ANKRD13C: variants seen among roughly 807,000 people sequenced by gnomAD.
The protein encoded by ANKRD13C is ankyrin repeat domain 13C, also known as ankyrin repeat domain-containing protein 13C.
A neutral mutation model predicts 65.5 loss-of-function variants in ANKRD13C; 16 were observed. The ratio of observed to expected loss-of-function variants is 0.24; its 90% CI spans 0.17 to 0.37. The LOEUF (loss-of-function observed/expected upper bound fraction) is 0.37. ANKRD13C is among the 10% of genes least tolerant of loss of function. The probability of loss-of-function intolerance (pLI) is 1.00; values close to 1 mark genes in which losing one functional copy is unlikely to be tolerated. For synonymous variants in ANKRD13C, 235 were observed against 238.7 expected, an observed-to-expected ratio of 0.98 and a Z score of 0.14; for missense variants, 503 against 655.9, an observed-to-expected ratio of 0.77 and a Z score of 2.55.
At chr1:70,273,998 G>A (rs1373176495) in intron 11 of ANKRD13C, among the ~76,000 whole-genome samples, 1 of 151,822 alleles carries the variant, frequency 6.6e-6, no homozygotes, top group Non-Finnish European at 1.5e-5. Flanking sequence ...ACACACAGAA[G>A]AAAACGTGAA....
In ANKRD13C at chr1:70,354,590, C is replaced by T; in HGVS notation, c.-182G>A. On this transcript the variant is annotated 5_prime_UTR_variant, in exon 1 of 13. Coordinates refer to ENST00000370944, the MANE Select transcript of ANKRD13C (RefSeq NM_030816.5). ...GGGGAAGAGCCGGCTCTCGCCTAGG[C>T]ACGAAGGGACGCGCGCTCGCTGGGG... The T allele has an allele frequency of 7.3e-7, 1 of 1,374,582 alleles. No individual in the cohort carries two copies. Among genetic ancestry groups the T allele is most frequent in the South Asian group, 1.5e-5 (1 of 65,284 alleles). 85.1% of individuals were successfully genotyped at this position (1,374,582 alleles called of 1,614,324 possible). A position where few individuals can be genotyped will look rare whatever the true frequency, so the allele number is the denominator to read the frequency against.
rs72929275 is a variant in ANKRD13C, at chr1:70,306,986, C to T, written c.710-696G>A. ...CATAACAGGCTATAATAAACTACCA[C>T]GTACAAAGAAATGAAAGAAATGTGA... On this transcript the variant is annotated intron_variant, in intron 5 of 12. Coordinates refer to ENST00000370944, the MANE Select transcript of ANKRD13C (RefSeq NM_030816.5). 5.7e-3 allele frequency among the ~76,000 whole-genome samples: 871 copies of T among 152,138 alleles called. 9 individuals are homozygous for T. Among genetic ancestry groups the T allele is most frequent in the African/African-American group, 0.019 (783 of 41,492 alleles).
intron 4 of ANKRD13C, among the ~76,000 whole-genome samples, 160 bp from the exon 5 acceptor site, chr1:70,313,950 T>C (rs1680962486): frequency 6.6e-6 from 1 of 152,002 alleles, no homozygotes; most frequent in Non-Finnish European, 1.5e-5. Context: ...TTTAATTACA[T>C]AGTAACATAT....
chr1:70,276,903 T>G, intron 9 of ANKRD13C, 59 bp from the exon 10 acceptor site: 1 of 1,302,002 alleles, frequency 7.7e-7, no homozygotes, highest in South Asian at 1.3e-5. Context: ...TGTTATTTTT[T>G]AAATATAAGA....
intron 12 of ANKRD13C, among the ~76,000 whole-genome samples, chr1:70,264,651 A>T (rs528561612): frequency 6.6e-6 from 1 of 152,250 alleles, no homozygotes; most frequent in South Asian, 2.1e-4. Context: ...TAAGATATTT[A>T]TTATCTTTCA....
At chr1:70,285,255 T>C (rs1679569722) in intron 9 of ANKRD13C, among the ~76,000 whole-genome samples, 1 of 146,230 alleles carries the variant, frequency 6.8e-6, no homozygotes, top group South Asian at 2.3e-4. Context: ...TGCAGTAGCA[T>C]GATCTCGGCT....
At chr1:70,316,599 G>A (rs1681084429) in intron 3 of ANKRD13C, among the ~76,000 whole-genome samples, 1 of 151,966 alleles carries the variant, frequency 6.6e-6, no homozygotes, top group Admixed American at 6.6e-5. Flanking sequence ...GAGACAGGAG[G>A]ACTGGTTGTG....
intron 10 of ANKRD13C, 77 bp from the exon 11 acceptor site, chr1:70,274,895 T>C: frequency 1.2e-6 from 1 of 847,616 alleles, no homozygotes. Context: ...CTGTCATCTT[T>C]CAATGACATT....
At chr1:70,291,372 G>A (rs1679861568) in intron 9 of ANKRD13C, among the ~76,000 whole-genome samples, 1 of 152,126 alleles carries the variant, frequency 6.6e-6, no homozygotes. Flanking sequence ...TATGACTCTA[G>A]TATTTTTTTG....
intron 3 of ANKRD13C, among the ~76,000 whole-genome samples, chr1:70,318,830 G>T (rs1360984529): frequency 1.3e-5 from 2 of 151,880 alleles, no homozygotes; most frequent in African/African-American, 2.4e-5. Flanking sequence ...CTACAGGTGT[G>T]CGCCACCATG....
chr1:70,293,281 CT>C (rs1362872131), intron 8 of ANKRD13C, among the ~76,000 whole-genome samples: 10 of 151,404 alleles, frequency 6.6e-5, no homozygotes, highest in Non-Finnish European at 1.3e-4. Flanking sequence ...AAATACCTTA[CT>C]TAAAAAAAAA....
chr1:70,338,694 C>G (rs1682167984), intron 1 of ANKRD13C, among the ~76,000 whole-genome samples: 1 of 152,188 alleles, frequency 6.6e-6, no homozygotes. Context: ...GCCACCACGC[C>G]CGGCCCTTAA....
At chr1:70,265,738 T>C (rs1394967033) in intron 12 of ANKRD13C, among the ~76,000 whole-genome samples, 5 of 140,940 alleles carry the variant, frequency 3.5e-5, no homozygotes, top group African/African-American at 1.1e-4. Flanking sequence ...GGTGGAAGGA[T>C]GGCTTGAGAC....
Position 70,331,459 on chromosome 1 carries a change from T to C in ANKRD13C, c.472+4599A>G, listed in dbSNP as rs551678250. ...ACCTGTAATCCCAGCTACTACTAAA[T>C]GAAATCACTAAAGGTACAGTGTATC... On this transcript the variant is annotated intron_variant, in intron 2 of 12. Coordinates refer to ENST00000370944, the MANE Select transcript of ANKRD13C (RefSeq NM_030816.5). Among the ~76,000 whole-genome samples the C allele has an allele frequency of 7.3e-5, 11 of 150,970 alleles. No homozygotes were observed. The South Asian group carries it at 2.3e-3, about 32-fold the overall frequency.
chr1:70,273,960 C>T (rs74479208), intron 11 of ANKRD13C, among the ~76,000 whole-genome samples: 14,973 of 151,840 alleles, frequency 0.099, 2,315 homozygotes, highest in African/African-American at 0.33. Context: ...CCAGCCAAGA[C>T]ACACTCACTT....
chr1:70,263,464 T>C (rs1302874348), intron 12 of ANKRD13C, among the ~76,000 whole-genome samples: 1 of 152,152 alleles, frequency 6.6e-6, no homozygotes, highest in Non-Finnish European at 1.5e-5. Flanking sequence ...AATGATTACA[T>C]AAGAATCAGA....
intron 12 of ANKRD13C, among the ~76,000 whole-genome samples, chr1:70,269,484 A>G (rs957429230): frequency 6.6e-6 from 1 of 152,328 alleles, no homozygotes; most frequent in East Asian, 1.9e-4. Context: ...AAGGGAGTCT[A>G]AAACTCGAAA....
intron 5 of ANKRD13C, among the ~76,000 whole-genome samples, chr1:70,308,700 C>G (rs1680700138): frequency 7.0e-6 from 1 of 142,768 alleles, no homozygotes. Flanking sequence ...GATTGCGCCA[C>G]TGTGCTCCAG....
At chr1:70,272,662 T>C (rs1454624227) in intron 11 of ANKRD13C, among the ~76,000 whole-genome samples, 1 of 152,120 alleles carries the variant, frequency 6.6e-6, no homozygotes, top group Admixed American at 6.5e-5. Flanking sequence ...TTAGCTGCAG[T>C]TTTCTTCTTT....
Sources: gnomAD v4.1 joint callset for allele counts (sites outside exome capture counted in the v4.1 genomes callset) on GRCh38, gnomAD v4.1.1 for gene constraint, MANE v1.5 for transcripts, NCBI Gene and HGNC (gene_info 2026-07-23, HGNC 2026-07-21) for gene names.